Variants in C9orf72 observed in about 807,000 individuals in gnomAD.
C9orf72 encodes the protein C9orf72-SMCR8 complex subunit.
A neutral mutation model predicts 51.6 loss-of-function variants in C9orf72; 44 were observed. That is an observed-to-expected ratio of 0.85 (90% CI 0.67 to 1.10). The LOEUF is 1.10. C9orf72 is among the 50% of genes least tolerant of loss of function. The pLI is 0.00. For missense variants in C9orf72, 607 were observed against 570.6 expected, an observed-to-expected ratio of 1.06 and a Z score of -0.65; for synonymous variants, 213 against 194.2, an observed-to-expected ratio of 1.10 and a Z score of -0.81.
At chr9:27,561,987 G>A (rs528008942) in intron 4 of C9orf72, among the ~76,000 whole-genome samples, 10 of 152,230 alleles carry the variant, frequency 6.6e-5, no homozygotes, top group African/African-American at 1.2e-4. Context: ...GATTCAAAAC[G>A]TCCTCAACAA....
Position 27,547,275 on chromosome 9 carries a change from A to G in C9orf72, c.*961T>C, listed in dbSNP as rs890280568. The G allele has an allele frequency of 6.5e-6, 1 of 152,674 alleles. No individual in the cohort carries two copies. The highest frequency in any genetic ancestry group is 2.4e-5 in the African/African-American group (1 of 41,466). 9.5% of individuals were successfully genotyped at this position (152,674 alleles called of 1,614,324 possible). A position where few individuals can be genotyped will look rare whatever the true frequency, so the allele number is the denominator to read the frequency against. On this transcript the variant is annotated 3_prime_UTR_variant, in exon 11 of 11. Transcript: ENST00000380003. The stretch of plus-strand genomic sequence containing the variant: ...TTTCTGTTTCTGAAAAAAAGATCTT[A>G]TTAGTTAGTATATTCTCTAAGGCAT...
chr9:27,568,413 G>A (rs912422922), intron 1 of C9orf72, among the ~76,000 whole-genome samples: 5 of 152,138 alleles, frequency 3.3e-5, no homozygotes, highest in African/African-American at 9.7e-5. Flanking sequence ...TGAGAAAACA[G>A]ACATGAGGAG....
intron 9 of C9orf72, among the ~76,000 whole-genome samples, chr9:27,549,246 T>C (rs1012320464): frequency 2.0e-5 from 3 of 152,254 alleles, no homozygotes; most frequent in Non-Finnish European, 2.9e-5. Flanking sequence ...TTAAAACTCA[T>C]ACATAAGTTA....
intron 5 of C9orf72, chr9:27,560,749 G>C: frequency 2.0e-6 from 2 of 985,456 alleles, no homozygotes; most frequent in Non-Finnish European, 2.4e-6. Context: ...TCCATCATGA[G>C]CCTAAAGGAA....
At chr9:27,563,069 T>C (rs1047915277) in intron 3 of C9orf72, among the ~76,000 whole-genome samples, 1 of 152,084 alleles carries the variant, frequency 6.6e-6, no homozygotes, top group African/African-American at 2.4e-5. Flanking sequence ...TATTTCATAT[T>C]TAAAAATGAG....
Position 27,548,263 on chromosome 9 carries a change from T to C in C9orf72, c.1419A>G (p.Gln473=). The change falls in exon 11 of 11, where the codon CAA becomes CAG. Residue 473 remains glutamine, a synonymous_variant. Transcript: ENST00000380003. The part of the protein sequence containing the change: ...IFGRPFYTSV[Q]ERDVLMTF ...AAAAAGTCATTAGAACATCTCGTTC[T>C]TGCACACTAGTGTAGAAAGGTCTTC... 1 of 1,609,820 alleles carries C rather than the reference T, an allele frequency of 6.2e-7. No individual in the cohort carries two copies. The highest frequency in any genetic ancestry group is 2.2e-5 in the East Asian group (1 of 44,826).
In C9orf72 at chr9:27,548,159, G is replaced by T. The variant is rs1587295508; in HGVS notation, c.*77C>A. 1 of 1,100,846 alleles carries T rather than the reference G, an allele frequency of 9.1e-7. No homozygotes were observed. The highest frequency in any genetic ancestry group is 1.3e-6 in the Non-Finnish European group (1 of 767,586). 68.2% of individuals were successfully genotyped at this position (1,100,846 alleles called of 1,614,324 possible). A position where few individuals can be genotyped will look rare whatever the true frequency, so the allele number is the denominator to read the frequency against. ...GCAGAATTCTGGAGTATGATCCAGG[G>T]GAACGTTTCCCCACACCACTGAGCT... On this transcript the variant is annotated 3_prime_UTR_variant, in exon 11 of 11. Transcript: ENST00000380003.
chr9:27,569,791 G>C (rs945182463), intron 1 of C9orf72, among the ~76,000 whole-genome samples: 60 of 152,322 alleles, frequency 3.9e-4, no homozygotes, highest in African/African-American at 1.3e-3. Flanking sequence ...GCAATACAAA[G>C]CAGCTAATAG....
intron 6 of C9orf72, 98 bp from the exon 7 acceptor site, chr9:27,558,705 A>G: frequency 1.6e-6 from 1 of 632,628 alleles, no homozygotes; most frequent in Non-Finnish European, 2.7e-6. Flanking sequence ...TTATCAATAA[A>G]ACATATCCTA....
chr9:27,555,558 ATTTTT>A (rs35184194), intron 8 of C9orf72, among the ~76,000 whole-genome samples: 1 of 135,764 alleles, frequency 7.4e-6, no homozygotes, highest in African/African-American at 2.8e-5. Flanking sequence ...TATTGCAAGC[ATTTTT>A]TTTTTTTTTT....
At position 27,548,204 on chromosome 9, in the gene C9orf72, T is replaced by G. The variant is rs759595881; in HGVS notation, c.*32A>C. 101 of 1,532,970 alleles carry G rather than the reference T, an allele frequency of 6.6e-5. No individual in the cohort carries two copies. The highest frequency in any genetic ancestry group is 1.7e-4 in the Middle Eastern group (1 of 5,790). 95.0% of individuals were successfully genotyped at this position (1,532,970 alleles called of 1,614,324 possible). On this transcript the variant is annotated 3_prime_UTR_variant, in exon 11 of 11. Transcript: ENST00000380003. ...TGAGCTACTTTACCAGCGATCATGA[T>G]TGTGATGGAATAGGCTTATTAAGTT...
chr9:27,567,299 TAA>T (rs1819492297), intron 1 of C9orf72, 135 bp from the exon 2 acceptor site: 1 of 604,702 alleles, frequency 1.7e-6, no homozygotes, highest in African/African-American at 1.9e-5. Context: ...CCTATCAGGA[TAA>T]AGACATTCAA....
At position 27,558,349 on chromosome 9, in the gene C9orf72, G is replaced by A. The variant is rs1353548426; in HGVS notation, c.855+142C>T. On this transcript the variant is annotated intron_variant, in intron 7 of 10. Transcript: ENST00000380003. ...TAAATCCATAAGACATATAGTCTATGTGCAGAACTGTGTAAAGGAAGTCAG... is the reference window on the plus strand; with the variant it reads ...TAAATCCATAAGACATATAGTCTATATGCAGAACTGTGTAAAGGAAGTCAG... The A allele has an allele frequency of 6.2e-6, 4 of 646,714 alleles. No homozygotes were observed. In the African/African-American group the frequency reaches 7.3e-5, roughly 12 times the overall value. The allele number at this position is 646,714 out of a possible 1,614,324, so 40.1% of individuals were successfully genotyped here.
chr9:27,558,756 T>C, intron 6 of C9orf72, 149 bp from the exon 7 acceptor site: 1 of 524,138 alleles, frequency 1.9e-6, no homozygotes, highest in South Asian at 2.6e-5. Flanking sequence ...CCATGGGATG[T>C]AACAGTTGTT....
chr9:27,560,409 G>A, intron 5 of C9orf72, 110 bp from the exon 6 acceptor site: 3 of 764,226 alleles, frequency 3.9e-6, no homozygotes, highest in Admixed American at 3.2e-5. Context: ...AGCTTTATAT[G>A]ATAAACACCG....
rs569790367 is a variant in C9orf72 at position 27,548,267 on chromosome 9, A to T, written c.1415T>A (p.Val472Glu). ...FIFGRPFYTS[V>E]QERDVLMTF ...AGTCATTAGAACATCTCGTTCTTGC[A>T]CACTAGTGTAGAAAGGTCTTCCAAA... The change falls in exon 11 of 11, where the codon GTG becomes GAG. Residue 472 changes from valine (V) to glutamate (E), a missense_variant. Physicochemically the swap from Val to Glu is moderately radical, Grantham distance 121 (BLOSUM62 -2). Transcript: ENST00000380003. 1.2e-6 allele frequency: 2 copies of T among 1,610,692 alleles called. No homozygotes were observed. Among genetic ancestry groups the T allele is most frequent in the African/African-American group, 1.3e-5 (1 of 74,854 alleles).
At chr9:27,570,264 T>C (rs1394162281) in intron 1 of C9orf72, among the ~76,000 whole-genome samples, 1 of 152,186 alleles carries the variant, frequency 6.6e-6, no homozygotes, top group Non-Finnish European at 1.5e-5. Flanking sequence ...GAAATGGTAA[T>C]GACACTACTG....
At chr9:27,564,568 A>C (rs767083934) in intron 3 of C9orf72, among the ~76,000 whole-genome samples, 13 of 152,184 alleles carry the variant, frequency 8.5e-5, no homozygotes, top group Non-Finnish European at 1.9e-4. Context: ...AGACCTTTAC[A>C]CAGAATAACT....
chr9:27,556,497 T>G, intron 8 of C9orf72, 64 bp downstream of exon 8: 1 of 1,092,196 alleles, frequency 9.2e-7, no homozygotes, highest in Non-Finnish European at 1.4e-6. Flanking sequence ...GTTTTGTTTT[T>G]ATTCGTAAAA....
Sources: gnomAD v4.1 joint callset for allele counts (sites outside exome capture counted in the v4.1 genomes callset) on GRCh38, gnomAD v4.1.1 for gene constraint, MANE v1.5 for transcripts, NCBI Gene and HGNC (gene_info 2026-07-23, HGNC 2026-07-21) for gene names.